TBX21: variants seen among roughly 807,000 people sequenced by gnomAD.
TBX21 encodes T-box transcription factor 21.
TBX21 carries 11 observed loss-of-function variants against 52.2 expected under a neutral mutation model. The observed-to-expected ratio is 0.21, with a 90% CI of 0.13 to 0.35. The LOEUF is 0.35. TBX21 is among the 10% of genes least tolerant of loss of function. TBX21 has a pLI of 1.00. For missense variants in TBX21, 625 were observed against 755.1 expected, an observed-to-expected ratio of 0.83 and a Z score of 2.02; for synonymous variants, 300 against 316.1, an observed-to-expected ratio of 0.95 and a Z score of 0.54.
In TBX21 at chr17:47,733,338, C is replaced by G; in HGVS notation, c.-117C>G. The G allele has an allele frequency of 7.6e-7, 1 of 1,310,286 alleles. No homozygotes were observed. The highest frequency in any genetic ancestry group is 9.8e-7 in the Non-Finnish European group (1 of 1,024,210). 81.2% of individuals were successfully genotyped at this position (1,310,286 alleles called of 1,614,324 possible). ...AGAGCCCGGGCTCCGGTGGGGTCCC[C>G]CACCCGGCCCTCGGGTCCCCCGCCC... On this transcript the variant is annotated 5_prime_UTR_variant, in exon 1 of 6. Transcript: ENST00000177694. The surrounding 1 kb of genome is among the most constrained non-coding windows in gnomAD (Gnocchi z 6.6).
chr17:47,734,556 TGTGTGTGTGTG>T (rs2032181964), intron 1 of TBX21, among the ~76,000 whole-genome samples: 6 of 36,098 alleles, frequency 1.7e-4, no homozygotes, highest in Non-Finnish European at 3.0e-4. Context: ...ATATGTCTGG[TGTGTGTGTGTG>T]TGTGTGTGTG....
chr17:47,744,473 T>C lies in TBX21; in HGVS notation c.928-9T>C. The C allele has an allele frequency of 6.2e-7, 1 of 1,614,090 alleles. No individual in the cohort carries two copies. Among genetic ancestry groups the C allele is most frequent in the Non-Finnish European group, 8.5e-7 (1 of 1,180,016 alleles). ...AGGACTCAGGTGACTCTATTTCCCTTCTCTCTAGATTACTCAGCTGAAAAT... is the reference window on the plus strand; with the variant it reads ...AGGACTCAGGTGACTCTATTTCCCTCCTCTCTAGATTACTCAGCTGAAAAT... On this transcript the variant is annotated splice_polypyrimidine_tract_variant and intron_variant, in intron 4 of 5. Transcript: ENST00000177694.
chr17:47,736,805 G>A (rs1239241716), intron 1 of TBX21, among the ~76,000 whole-genome samples: 2 of 152,006 alleles, frequency 1.3e-5, no homozygotes, highest in African/African-American at 2.4e-5. Context: ...CTATCCCTCC[G>A]TGGGTTCCAG....
intron 1 of TBX21, among the ~76,000 whole-genome samples, chr17:47,741,355 G>A (rs748686197): frequency 3.9e-5 from 6 of 152,096 alleles, no homozygotes; most frequent in Non-Finnish European, 5.9e-5. Context: ...TGGTGACGGG[G>A]CTAGTGAAGG....
chr17:47,743,265 G>A (rs1386259096), intron 3 of TBX21, 73 bp downstream of exon 3: 1 of 1,563,384 alleles, frequency 6.4e-7, no homozygotes, highest in East Asian at 2.3e-5. Context: ...AGGCCACAAG[G>A]GTCCTGCGGG....
Position 47,742,168 on chromosome 17 carries a change from C to T in TBX21, c.492-442C>T, listed in dbSNP as rs2032273335. 6.6e-6 allele frequency among the ~76,000 whole-genome samples: 1 copy of T among 151,554 alleles called. No homozygotes were observed. The highest frequency in any genetic ancestry group is 1.5e-5 in the Non-Finnish European group (1 of 67,976). ...CACTGTAACCTCTGCCTCCTGGGTT[C>T]AAGCCATTCTCCTGCCTCAGCCTCC... On this transcript the variant is annotated intron_variant, in intron 1 of 5. Transcript: ENST00000177694. The surrounding 1 kb of genome is among the most constrained non-coding windows in gnomAD (Gnocchi z 4.4).
In TBX21 at chr17:47,745,396, A is replaced by C. The variant is rs373166468; in HGVS notation, c.*30A>C. On this transcript the variant is annotated 3_prime_UTR_variant, in exon 6 of 6. Coordinates refer to ENST00000177694, the MANE Select transcript of TBX21 (RefSeq NM_013351.2). ...ATGACATGATGAAAGGAACAGAAAC[A>C]GTGTTATTAGGTTGGAGGACACCGA... is the stretch of plus-strand genomic sequence containing the variant. The C allele has an allele frequency of 3.2e-6, 5 of 1,553,996 alleles. No homozygotes were observed. The African/African-American group carries it at 5.5e-5, about 17-fold the overall frequency.
At chr17:47,737,314 G>A (rs955218685) in intron 1 of TBX21, among the ~76,000 whole-genome samples, 1 of 152,152 alleles carries the variant, frequency 6.6e-6, no homozygotes, top group African/African-American at 2.4e-5. Context: ...GTGGGTGTGT[G>A]GGTGTGTATT....
chr17:47,737,630 C>CTT (rs767560904), intron 1 of TBX21, among the ~76,000 whole-genome samples: 2 of 145,676 alleles, frequency 1.4e-5, no homozygotes, highest in African/African-American at 2.5e-5. Flanking sequence ...CTTTCTACAT[C>CTT]TTTTTTTTTT....
chr17:47,743,176 C>T lies in TBX21; in HGVS notation c.752C>T (p.Ser251Phe). 1 of 1,614,158 alleles carries T rather than the reference C, an allele frequency of 6.2e-7. No homozygotes were observed. The highest frequency in any genetic ancestry group is 8.5e-7 in the Non-Finnish European group (1 of 1,180,018). Residue 251 changes from serine to phenylalanine, a missense_variant, in exon 3 of 6, where the codon TCC becomes TTC. Physicochemically the swap from Ser to Phe is radical, Grantham distance 155. Coordinates refer to ENST00000177694, the MANE Select transcript of TBX21 (RefSeq NM_013351.2). ...AAGCTCACAAACAACAAGGGGGCGT[C>T]CAACAATGTGACCCAGGTAGGACCT... ...KLKLTNNKGA[S>F]NNVTQMIVLQ...
rs764170358 is a variant in TBX21, at chr17:47,745,209, G to A, written c.1451G>A (p.Arg484Gln). Residue 484 changes from arginine (R) to glutamine (Q), a missense_variant, in exon 6 of 6, where the codon CGG becomes CAG. Physicochemically the swap from Arg to Gln is conservative, Grantham distance 43 (BLOSUM62 1). Around this residue, in one of 4 missense-constraint regions of TBX21, gnomAD observed 261 missense variants for 275.1 expected, o/e 0.95. Coordinates refer to ENST00000177694, the MANE Select transcript of TBX21 (RefSeq NM_013351.2). ...GTGTGGACTGAGATTGCCCCCATCC[G>A]GCCGGAATCCAGTGATTCAGGACTG... ...PLVWTEIAPI[R>Q]PESSDSGLGE... 18 of 1,614,092 alleles carry A rather than the reference G, an allele frequency of 1.1e-5. No homozygotes were observed. Among genetic ancestry groups the A allele is most frequent in the East Asian group, 4.5e-5 (2 of 44,888 alleles).
chr17:47,734,255 C>T (rs1005683041), intron 1 of TBX21, among the ~76,000 whole-genome samples: 1 of 152,106 alleles, frequency 6.6e-6, no homozygotes, highest in African/African-American at 2.4e-5. Context: ...GCGCCCCTGC[C>T]CCACTCTCTA....
In TBX21 at chr17:47,742,124, C is replaced by A. The variant is rs949454987; in HGVS notation, c.492-486C>A. ...TGCTCTTGTCATCCAGGCTGGAGGG[C>A]AGTGGCGCGATCTCAGCTCACTGTA... is the stretch of plus-strand genomic sequence containing the variant. On this transcript the variant is annotated intron_variant, in intron 1 of 5. Coordinates refer to ENST00000177694, the MANE Select transcript of TBX21 (RefSeq NM_013351.2). This position sits in a 1 kb window ranked among gnomAD's most constrained non-coding sequence, Gnocchi z 4.4. Among the ~76,000 whole-genome samples the A allele has an allele frequency of 1.3e-5, 2 of 150,632 alleles. No individual in the cohort carries two copies. The highest frequency in any genetic ancestry group is 4.9e-5 in the African/African-American group (2 of 40,824).
intron 1 of TBX21, among the ~76,000 whole-genome samples, chr17:47,737,907 G>A (rs1263838338): frequency 1.3e-5 from 2 of 152,296 alleles, no homozygotes; most frequent in African/African-American, 2.4e-5. Context: ...TTACAGGTGT[G>A]AGCCACCGCA....
Position 47,742,703 on chromosome 17 carries a change from C to T in TBX21, c.585C>T (p.His195=), listed in dbSNP as rs1367569310. The change falls in exon 2 of 6, where the codon CAC becomes CAT. Residue 195 remains histidine (H), a synonymous_variant. Transcript: ENST00000177694. The surrounding 1 kb of genome is among the most constrained non-coding windows in gnomAD (Gnocchi z 4.4). ...TGGACGTGGTCTTGGTGGACCAGCA[C>T]CACTGGCGGTACCAGAGCGGCAAGT... The part of the protein sequence containing the change: ...MFVDVVLVDQ[H]HWRYQSGKWV... 5.0e-6 allele frequency: 8 copies of T among 1,593,858 alleles called. No individual in the cohort carries two copies. The African/African-American group carries it at 1.1e-4, about 21-fold the overall frequency.
chr17:47,735,434 C>G (rs1243965005), intron 1 of TBX21, among the ~76,000 whole-genome samples: 1 of 152,108 alleles, frequency 6.6e-6, no homozygotes, highest in Non-Finnish European at 1.5e-5. Context: ...TTGGGTGTAC[C>G]CAGACACAGC....
Position 47,733,359 on chromosome 17 carries a change from C to T in TBX21, c.-96C>T. ...TCCCCCACCCGGCCCTCGGGTCCCCCGCCCCCTGCTCCCTGCCCATCCCAG... is the reference window on the plus strand; with the variant it reads ...TCCCCCACCCGGCCCTCGGGTCCCCTGCCCCCTGCTCCCTGCCCATCCCAG... On this transcript the variant is annotated 5_prime_UTR_variant, in exon 1 of 6. Coordinates refer to ENST00000177694, the MANE Select transcript of TBX21 (RefSeq NM_013351.2). This position sits in a 1 kb window ranked among gnomAD's most constrained non-coding sequence, Gnocchi z 6.6. 1 of 1,342,462 alleles carries T rather than the reference C, an allele frequency of 7.4e-7. No individual in the cohort carries two copies. The highest frequency in any genetic ancestry group is 9.5e-7 in the Non-Finnish European group (1 of 1,049,786). 83.2% of individuals were successfully genotyped at this position (1,342,462 alleles called of 1,614,324 possible).
intron 1 of TBX21, among the ~76,000 whole-genome samples, chr17:47,736,824 C>T (rs537224201): frequency 2.0e-5 from 3 of 152,132 alleles, no homozygotes; most frequent in African/African-American, 7.2e-5. Flanking sequence ...AGTGACCCAC[C>T]AGTCACACCA....
intron 5 of TBX21, 24 bp downstream of exon 5, chr17:47,744,567 A>C: frequency 6.2e-7 from 1 of 1,614,044 alleles, no homozygotes; most frequent in South Asian, 1.1e-5. Flanking sequence ...GGTTCAACTC[A>C]GCTTTGGTCC....
Sources: allele counts gnomAD v4.1 joint callset (sites outside exome capture counted in the v4.1 genomes callset), GRCh38; gene constraint gnomAD v4.1.1; regional missense constraint gnomAD v4.1.1; non-coding constraint Gnocchi (gnomAD v3.1); transcripts MANE v1.5; gene names NCBI Gene and HGNC (gene_info 2026-07-23, HGNC 2026-07-21).